TEX19: variants seen among roughly 807,000 people sequenced by gnomAD.
The protein encoded by TEX19 is testis expressed 19.
For synonymous variants in TEX19, 77 were observed against 73.9 expected, an observed-to-expected ratio of 1.04 and a Z score of -0.21; for missense variants, 184 against 194.4, an observed-to-expected ratio of 0.95 and a Z score of 0.32.
Position 82,362,453 on chromosome 17 carries a change from G to C in TEX19, c.303G>C (p.Gly101=). The change falls in exon 2 of 2, where the codon GGG becomes GGC. Residue 101 remains glycine (G), a synonymous_variant. Transcript: ENST00000333437. The surrounding 1 kb of genome is among the most constrained non-coding windows in gnomAD (Gnocchi z 5.5). ...VQGGSEAWGP[G]TLAAAPEGLE... ...GGGGCTCTGAGGCATGGGGGCCAGG[G>C]ACCCTGGCAGCAGCCCCAGAAGGGT... The C allele has an allele frequency of 4.3e-6, 7 of 1,612,744 alleles. No homozygotes were observed. Among genetic ancestry groups the C allele is most frequent in the Non-Finnish European group, 5.9e-6 (7 of 1,179,824 alleles).
chr17:82,359,504 C>T (rs1466363752), intron 1 of TEX19, among the ~76,000 whole-genome samples: 1 of 140,766 alleles, frequency 7.1e-6, no homozygotes, highest in African/African-American at 2.7e-5. Context: ...TCAAGTTTCC[C>T]TCAGTTTCCC....
chr17:82,359,774 GTTCCCTCAGT>G (rs1302749461), intron 1 of TEX19, among the ~76,000 whole-genome samples: 3 of 85,952 alleles, frequency 3.5e-5, no homozygotes, highest in East Asian at 3.2e-4. Context: ...CTTCCCTCAG[GTTCCCTCAGT>G]TTCCCTCAAG....
In TEX19 at chr17:82,361,891, C is replaced by A; in HGVS notation, c.-260C>A. The A allele has an allele frequency of 1.4e-6, 1 of 737,508 alleles. No homozygotes were observed. The highest frequency in any genetic ancestry group is 2.0e-6 in the Non-Finnish European group (1 of 509,042). 45.7% of individuals were successfully genotyped at this position (737,508 alleles called of 1,614,324 possible). ...CTTTGCCTTTCCAGCTCTCCTGAGA[C>A]CACAGCAACTGCAGAAGCTGAAGAC... is the stretch of plus-strand genomic sequence containing the variant. On this transcript the variant is annotated 5_prime_UTR_variant, in exon 2 of 2. Transcript: ENST00000333437.
intron 1 of TEX19, among the ~76,000 whole-genome samples, chr17:82,361,252 TC>T (rs2052389733): frequency 4.6e-5 from 1 of 21,804 alleles, no homozygotes; most frequent in East Asian, 1.7e-3. Flanking sequence ...CCCTCAAGTT[TC>T]CCTCAGGTTC....
In TEX19 at chr17:82,362,332, C is replaced by G. The variant is rs1331784175; in HGVS notation, c.182C>G (p.Pro61Arg). The G allele has an allele frequency of 1.9e-6, 3 of 1,613,750 alleles. No individual in the cohort carries two copies. The highest frequency in any genetic ancestry group is 2.5e-6 in the Non-Finnish European group (3 of 1,180,030). Residue 61 changes from proline to arginine, a missense_variant, in exon 2 of 2, where the codon CCT becomes CGT. By Grantham distance (103) the Pro-to-Arg change is moderately radical. Transcript: ENST00000333437. This position sits in a 1 kb window ranked among gnomAD's most constrained non-coding sequence, Gnocchi z 5.5. ...GACTGGGAAGAAGACAACTGGGACCCTGAGCTGATGGAGCACACTGAGGCA... is the reference window on the plus strand; with the variant it reads ...GACTGGGAAGAAGACAACTGGGACCGTGAGCTGATGGAGCACACTGAGGCA... ...SEDWEEDNWD[P>R]ELMEHTEAES...
intron 1 of TEX19, among the ~76,000 whole-genome samples, chr17:82,360,724 AAGTTTCCCTCAGGTTCCCCC>A (rs2052381074): frequency 3.2e-5 from 2 of 63,226 alleles, no homozygotes; most frequent in Admixed American, 1.8e-4. Context: ...AGTTTCCCTC[AAGTTTCCCTCAGGTTCCCCC>A]AGTTTCCCTC....
intron 1 of TEX19, among the ~76,000 whole-genome samples, chr17:82,359,592 T>A (rs1262500704): frequency 3.4e-5 from 5 of 148,822 alleles, no homozygotes; most frequent in Non-Finnish European, 7.4e-5. Context: ...TCCCTCAGTT[T>A]CCCTCAAGTT....
At position 82,361,878 on chromosome 17, in the gene TEX19, A is replaced by G. The variant is rs888266011; in HGVS notation, c.-271-2A>G. ...CTAACCTCCCTTCCTTTGCCTTTCC[A>G]GCTCTCCTGAGACCACAGCAACTGC... is the stretch of plus-strand genomic sequence containing the variant. On this transcript the variant is annotated splice_acceptor_variant, in intron 1 of 1. Transcript: ENST00000333437. LOFTEE classifies it low-confidence loss of function (5UTR_SPLICE). 1.7e-5 allele frequency: 13 copies of G among 749,392 alleles called. No individual in the cohort carries two copies. The East Asian group carries it at 5.0e-4, about 29-fold the overall frequency. The allele number at this position is 749,392 out of a possible 1,614,324, so 46.4% of individuals were successfully genotyped here.
rs913848768 is a variant in TEX19 at position 82,362,494 on chromosome 17, T to C, written c.344T>C (p.Leu115Pro). Residue 115 changes from leucine to proline, a missense_variant, in exon 2 of 2, where the codon CTG (leucine) becomes CCG (proline). Leu to Pro is a moderately conservative substitution (Grantham distance 98). Coordinates refer to ENST00000333437, the MANE Select transcript of TEX19 (RefSeq NM_207459.4). This position sits in a 1 kb window ranked among gnomAD's most constrained non-coding sequence, Gnocchi z 5.5. ...AAPEGLEDAG[L>P]DPHFVPTELW... The stretch of plus-strand genomic sequence containing the variant: ...CCAGAAGGGTTGGAAGATGCAGGTC[T>C]GGACCCCCACTTTGTCCCCACTGAA... The C allele has an allele frequency of 1.9e-6, 3 of 1,612,832 alleles. No individual in the cohort carries two copies. The highest frequency in any genetic ancestry group is 2.5e-6 in the Non-Finnish European group (3 of 1,179,970).
In TEX19 at chr17:82,361,922, C is replaced by T. The variant is rs1416586546; in HGVS notation, c.-229C>T. Reference sequence around the variant, plus strand: ...CAACTGCAGAAGCTGAAGACATTTCCAGAAGTTCAAGCTTCCACCCTCTGC... The same window carrying T: ...CAACTGCAGAAGCTGAAGACATTTCTAGAAGTTCAAGCTTCCACCCTCTGC... On this transcript the variant is annotated 5_prime_UTR_variant, in exon 2 of 2. Coordinates refer to ENST00000333437, the MANE Select transcript of TEX19 (RefSeq NM_207459.4). 1.3e-6 allele frequency: 1 copy of T among 753,762 alleles called. No homozygotes were observed. Among genetic ancestry groups the T allele is most frequent in the Admixed American group, 3.5e-5 (1 of 28,774 alleles). 46.7% of individuals were successfully genotyped at this position (753,762 alleles called of 1,614,324 possible).
At position 82,362,746 on chromosome 17, in the gene TEX19, T is replaced by C; in HGVS notation, c.*101T>C. 1 of 1,407,232 alleles carries C rather than the reference T, an allele frequency of 7.1e-7. No homozygotes were observed. The highest frequency in any genetic ancestry group is 1.5e-5 in the South Asian group (1 of 66,612). The allele number at this position is 1,407,232 out of a possible 1,614,324, so 87.2% of individuals were successfully genotyped here. On this transcript the variant is annotated 3_prime_UTR_variant, in exon 2 of 2. Coordinates refer to ENST00000333437, the MANE Select transcript of TEX19 (RefSeq NM_207459.4). This position sits in a 1 kb window ranked among gnomAD's most constrained non-coding sequence, Gnocchi z 5.5. The stretch of plus-strand genomic sequence containing the variant: ...CCTGCCGAGGCTGAGGCCTAGTTAC[T>C]GGCCCTGCAGCTTGTCTCCATGGTG...
chr17:82,359,797 CCCCTCAGTTTCCCCCAGTTT>C lies in TEX19; in HGVS notation c.-272+520_-272+539del, dbSNP rs1567852880. On this transcript the variant is annotated intron_variant, in intron 1 of 1. Coordinates refer to ENST00000333437, the MANE Select transcript of TEX19 (RefSeq NM_207459.4). ...AGGTTCCCTCAGTTTCCCTCAAGTT[CCCCTCAGTTTCCCCCAGTTT>C]CCCTCAGGTTCCCCCAGTTTCCCTC... Among the ~76,000 whole-genome samples, 486 of 68,410 alleles carry C rather than the reference CCCCTCAGTTTCCCCCAGTTT, an allele frequency of 7.1e-3. 29 individuals carry two copies. Among genetic ancestry groups the C allele is most frequent in the Non-Finnish European group, 9.3e-3 (333 of 35,880 alleles). The allele number at this position is 68,410 out of a possible 152,430, so 44.9% of individuals were successfully genotyped here. A position where few individuals can be genotyped will look rare whatever the true frequency, so the allele number is the denominator to read the frequency against.
At position 82,362,460 on chromosome 17, in the gene TEX19, G is replaced by A; in HGVS notation, c.310G>A (p.Ala104Thr). Residue 104 changes from alanine to threonine, a missense_variant, in exon 2 of 2, where the codon GCA becomes ACA. Transcript: ENST00000333437. The surrounding 1 kb of genome is among the most constrained non-coding windows in gnomAD (Gnocchi z 5.5). ...GSEAWGPGTL[A>T]AAPEGLEDAG... is the part of the protein sequence containing the mutation. ...TGAGGCATGGGGGCCAGGGACCCTG[G>A]CAGCAGCCCCAGAAGGGTTGGAAGA... is the stretch of plus-strand genomic sequence containing the variant. The A allele has an allele frequency of 6.2e-7, 1 of 1,612,754 alleles. No individual in the cohort carries two copies. Among genetic ancestry groups the A allele is most frequent in the Non-Finnish European group, 8.5e-7 (1 of 1,179,842 alleles).
At chr17:82,360,988 GT>G (rs1567853458) in intron 1 of TEX19, among the ~76,000 whole-genome samples, 2,104 of 39,056 alleles carry the variant, frequency 0.054, 65 homozygotes, top group Admixed American at 0.12. Context: ...GGTTCCCTCA[GT>G]TTTCCCCAGT....
At position 82,362,445 on chromosome 17, in the gene TEX19, G is replaced by C. The variant is rs140570015; in HGVS notation, c.295G>C (p.Gly99Arg). The stretch of plus-strand genomic sequence containing the variant: ...TGTGCAGGGGGGCTCTGAGGCATGG[G>C]GGCCAGGGACCCTGGCAGCAGCCCC... ...QPVQGGSEAW[G>R]PGTLAAAPEG... The change falls in exon 2 of 2, where the codon GGG becomes CGG. Residue 99 changes from glycine to arginine, a missense_variant. Coordinates refer to ENST00000333437, the MANE Select transcript of TEX19 (RefSeq NM_207459.4). The surrounding 1 kb of genome is among the most constrained non-coding windows in gnomAD (Gnocchi z 5.5). The C allele has an allele frequency of 1.2e-6, 2 of 1,612,638 alleles. No homozygotes were observed. The highest frequency in any genetic ancestry group is 2.7e-5 in the African/African-American group (2 of 74,932).
chr17:82,363,494 G>A lies in TEX19; in HGVS notation c.*849G>A, dbSNP rs2143085575. On this transcript the variant is annotated 3_prime_UTR_variant, in exon 2 of 2. Coordinates refer to ENST00000333437, the MANE Select transcript of TEX19 (RefSeq NM_207459.4). Reference sequence around the variant, plus strand: ...CTTGTGACATGGGGGGCAGGGCACAGAACTTGTGCCTATTTCACCTTGGCC... The same window carrying A: ...CTTGTGACATGGGGGGCAGGGCACAAAACTTGTGCCTATTTCACCTTGGCC... The A allele has an allele frequency of 6.0e-6, 1 of 167,208 alleles. No individual in the cohort carries two copies. The highest frequency in any genetic ancestry group is 2.1e-4 in the South Asian group (1 of 4,834). The allele number at this position is 167,208 out of a possible 1,614,324, so 10.4% of individuals were successfully genotyped here. A position where few individuals can be genotyped will look rare whatever the true frequency, so the allele number is the denominator to read the frequency against.
Position 82,361,965 on chromosome 17 carries a change from G to C in TEX19, c.-186G>C. 3 of 836,288 alleles carry C rather than the reference G, an allele frequency of 3.6e-6. No homozygotes were observed. Among genetic ancestry groups the C allele is most frequent in the Non-Finnish European group, 5.4e-6 (3 of 557,208 alleles). The allele number at this position is 836,288 out of a possible 1,614,324, so 51.8% of individuals were successfully genotyped here. ...CCCTCTGCAGGTCCCCACTGAGCTGGGACCCAGGTCATCCACCCCACCCCA... is the reference window on the plus strand; with the variant it reads ...CCCTCTGCAGGTCCCCACTGAGCTGCGACCCAGGTCATCCACCCCACCCCA... On this transcript the variant is annotated 5_prime_UTR_variant, in exon 2 of 2. Coordinates refer to ENST00000333437, the MANE Select transcript of TEX19 (RefSeq NM_207459.4).
In TEX19 at chr17:82,363,598, C is replaced by T; in HGVS notation, c.*953C>T. The T allele has an allele frequency of 6.0e-6, 1 of 167,164 alleles. No homozygotes were observed. Among genetic ancestry groups the T allele is most frequent in the Non-Finnish European group, 1.5e-5 (1 of 68,124 alleles). 10.4% of individuals were successfully genotyped at this position (167,164 alleles called of 1,614,324 possible). On this transcript the variant is annotated 3_prime_UTR_variant, in exon 2 of 2. Transcript: ENST00000333437. ...TGTGGTGACCTGGATGTGTTCTCGACTTTGCCAGGACAATCTCAGGGGTGC... is the reference window on the plus strand; with the variant it reads ...TGTGGTGACCTGGATGTGTTCTCGATTTTGCCAGGACAATCTCAGGGGTGC...
In TEX19 at chr17:82,363,397, C is replaced by T. The variant is rs1316618084; in HGVS notation, c.*752C>T. ...AGGGAAGCATTACAAATATTCATAA[C>T]CTGGAAACAAGTTCTTACCAGTTGA... is the stretch of plus-strand genomic sequence containing the variant. On this transcript the variant is annotated 3_prime_UTR_variant, in exon 2 of 2. Coordinates refer to ENST00000333437, the MANE Select transcript of TEX19 (RefSeq NM_207459.4). 1 of 166,976 alleles carries T rather than the reference C, an allele frequency of 6.0e-6. No individual in the cohort carries two copies. The allele number at this position is 166,976 out of a possible 1,614,324, so 10.3% of individuals were successfully genotyped here.
Sources: allele counts gnomAD v4.1 joint callset (sites outside exome capture counted in the v4.1 genomes callset), GRCh38; gene constraint gnomAD v4.1.1; non-coding constraint Gnocchi (gnomAD v3.1); transcripts MANE v1.5; gene names NCBI Gene and HGNC (gene_info 2026-07-23, HGNC 2026-07-21).